Variants in PDE1A observed in about 807,000 individuals in gnomAD.
PDE1A encodes the protein dual specificity calcium/calmodulin-dependent 3',5'-cyclic nucleotide phosphodiesterase 1A.
A neutral mutation model predicts 61.7 loss-of-function variants in PDE1A; 35 were observed. The ratio of observed to expected loss-of-function variants is 0.57; its 90% CI spans 0.43 to 0.75. PDE1A has a LOEUF of 0.75. Among genes scored for constraint, PDE1A ranks in the 30% least tolerant of loss-of-function variants. PDE1A has a pLI of 0.00. For synonymous variants in PDE1A, 232 were observed against 213.2 expected, an observed-to-expected ratio of 1.09 and a Z score of -0.77; for missense variants, 597 against 630.6, an observed-to-expected ratio of 0.95 and a Z score of 0.57.
At chr2:182,437,302 T>C (rs1227400726) in intron 2 of PDE1A, among the ~76,000 whole-genome samples, 1 of 151,950 alleles carries the variant, frequency 6.6e-6, no homozygotes, top group Non-Finnish European at 1.5e-5. Flanking sequence ...CAAAGGTGTG[T>C]CTGTAAGGTA....
At chr2:182,508,811 ATT>A (rs58539442) in intron 2 of PDE1A, among the ~76,000 whole-genome samples, 11 of 108,494 alleles carry the variant, frequency 1.0e-4, no homozygotes, top group Admixed American at 1.9e-4. Flanking sequence ...TTTATTTTTT[ATT>A]TTTTTTTTAA....
At chr2:182,666,356 G>A in the PDE1A span, among the ~76,000 whole-genome samples, 20 of 152,264 alleles carry the variant, frequency 1.3e-4, no homozygotes, top group Middle Eastern at 3.4e-3. Context: ...GGTGGCTCAC[G>A]TCTGTAATCC....
At chr2:182,581,343 C>G in the PDE1A span, among the ~76,000 whole-genome samples, 1 of 152,124 alleles carries the variant, frequency 6.6e-6, no homozygotes, top group African/African-American at 2.4e-5. Context: ...CAAACGGCCT[C>G]ATGGAGACTC....
chr2:182,696,357 AT>A, the PDE1A span, among the ~76,000 whole-genome samples: 780 of 152,348 alleles, frequency 5.1e-3, 18 homozygotes, highest in Admixed American at 0.044. Context: ...GAGAGAAGGC[AT>A]TCCGTAAAGA....
At chr2:182,579,379 G>A in the PDE1A span, among the ~76,000 whole-genome samples, 1 of 152,204 alleles carries the variant, frequency 6.6e-6, no homozygotes, top group African/African-American at 2.4e-5. Context: ...TAGCAAGGTG[G>A]CAGGCATATA....
intron 13 of PDE1A, among the ~76,000 whole-genome samples, chr2:182,158,069 G>T (rs1329627896): frequency 1.3e-5 from 2 of 152,180 alleles, no homozygotes; most frequent in Non-Finnish European, 2.9e-5. Context: ...TGGCTATGAT[G>T]GGGGGTTATT....
At chr2:182,682,216 G>A in the PDE1A span, among the ~76,000 whole-genome samples, 2 of 152,170 alleles carry the variant, frequency 1.3e-5, no homozygotes, top group Non-Finnish European at 2.9e-5. Flanking sequence ...CCACACAGAA[G>A]GCCAATCACT....
At chr2:182,389,628 C>T (rs1427205634) in intron 1 of PDE1A, among the ~76,000 whole-genome samples, 7 of 152,076 alleles carry the variant, frequency 4.6e-5, no homozygotes, top group African/African-American at 1.2e-4. Context: ...ATCAAAAAGA[C>T]AAAAGACAGT....
intron 1 of PDE1A, among the ~76,000 whole-genome samples, chr2:182,400,279 T>C (rs1701928388): frequency 1.3e-5 from 2 of 152,212 alleles, no homozygotes; most frequent in African/African-American, 4.8e-5. Flanking sequence ...TTTTCCTTTA[T>C]CTTTTCCCAA....
At chr2:182,568,837 C>G in the PDE1A span, among the ~76,000 whole-genome samples, 1 of 150,850 alleles carries the variant, frequency 6.6e-6, no homozygotes. Flanking sequence ...CATATGTGAT[C>G]ATATATATTT....
chr2:182,559,332 A>G, the PDE1A span, among the ~76,000 whole-genome samples: 1 of 152,102 alleles, frequency 6.6e-6, no homozygotes, highest in Middle Eastern at 3.2e-3. Context: ...TCTGTAAACT[A>G]TGGTAAGAAG....
At chr2:182,600,505 A>G in the PDE1A span, among the ~76,000 whole-genome samples, 1 of 152,238 alleles carries the variant, frequency 6.6e-6, no homozygotes, top group African/African-American at 2.4e-5. Context: ...ACTCAGAAAC[A>G]TATCTTCAGG....
chr2:182,532,495 A>G, the PDE1A span, among the ~76,000 whole-genome samples: 1 of 152,178 alleles, frequency 6.6e-6, no homozygotes, highest in East Asian at 1.9e-4. Context: ...AGAGTCATGA[A>G]GTAGATTAGT....
intron 1 of PDE1A, among the ~76,000 whole-genome samples, chr2:182,354,511 T>C (rs568579793): frequency 7.9e-5 from 12 of 152,298 alleles, no homozygotes; most frequent in Non-Finnish European, 1.8e-4. Context: ...TAAAAGTTGA[T>C]TATAGCTATT....
chr2:182,686,675 A>T, the PDE1A span, among the ~76,000 whole-genome samples: 1 of 152,218 alleles, frequency 6.6e-6, no homozygotes, highest in African/African-American at 2.4e-5. Flanking sequence ...CTTGTCGGAC[A>T]GTGCATGCAG....
At chr2:182,241,513 G>A (rs1412504541) in intron 2 of PDE1A, among the ~76,000 whole-genome samples, 7 of 152,126 alleles carry the variant, frequency 4.6e-5, no homozygotes, top group Admixed American at 3.3e-4. Context: ...AAAAACAGGA[G>A]GTCTCCACAA....
intron 1 of PDE1A, among the ~76,000 whole-genome samples, chr2:182,267,313 T>C (rs1559274572): frequency 6.6e-6 from 1 of 152,072 alleles, no homozygotes; most frequent in Non-Finnish European, 1.5e-5. Flanking sequence ...AAACCTATAA[T>C]TGGACATAAA....
At chr2:182,585,360 A>C in the PDE1A span, among the ~76,000 whole-genome samples, 1 of 152,192 alleles carries the variant, frequency 6.6e-6, no homozygotes, top group South Asian at 2.1e-4. Context: ...TTTATTCTTC[A>C]ATGTCCTCAA....
the PDE1A span, among the ~76,000 whole-genome samples, chr2:182,624,124 CAAA>C: frequency 3.6e-5 from 4 of 110,006 alleles, no homozygotes; most frequent in Non-Finnish European, 5.5e-5. Flanking sequence ...GACTCCGTCT[CAAA>C]AAAAAAAAAA....
Sources: allele counts gnomAD v4.1 joint callset (sites outside exome capture counted in the v4.1 genomes callset), GRCh38; gene constraint gnomAD v4.1.1; transcripts MANE v1.5; gene names NCBI Gene and HGNC (gene_info 2026-07-23, HGNC 2026-07-21).